The following IMMP2L variants were observed in gnomAD, a reference collection of about 807,000 sequenced individuals.
IMMP2L encodes inner mitochondrial membrane peptidase subunit 2.
A neutral mutation model predicts 19.3 loss-of-function variants in IMMP2L; 18 were observed. The observed-to-expected ratio is 0.93, with a 90% CI of 0.64 to 1.38. The LOEUF is 1.38. IMMP2L is among the 40% of genes most tolerant of loss of function. IMMP2L has a pLI of 0.00. For missense variants in IMMP2L, 233 were observed against 218.2 expected, an observed-to-expected ratio of 1.07 and a Z score of -0.43; for synonymous variants, 76 against 73.0, an observed-to-expected ratio of 1.04 and a Z score of -0.21.
intron 3 of IMMP2L, among the ~76,000 whole-genome samples, chr7:111,019,924 A>C (rs1355138506): frequency 6.6e-6 from 1 of 152,144 alleles, no homozygotes. Context: ...TGTCAAGCCA[A>C]AATGCCATCT....
At chr7:110,854,893 A>G (rs555564076) in intron 5 of IMMP2L, among the ~76,000 whole-genome samples, 1 of 152,104 alleles carries the variant, frequency 6.6e-6, no homozygotes, top group East Asian at 1.9e-4. Flanking sequence ...TACAGCAAGT[A>G]TAAAGAAAAT....
At chr7:110,899,348 C>A (rs1490644083) in intron 4 of IMMP2L, among the ~76,000 whole-genome samples, 1 of 152,104 alleles carries the variant, frequency 6.6e-6, no homozygotes, top group Non-Finnish European at 1.5e-5. Flanking sequence ...TTGCTATTAT[C>A]ATGTATTTTT....
intron 5 of IMMP2L, among the ~76,000 whole-genome samples, chr7:110,867,566 A>T (rs1290622820): frequency 6.6e-6 from 1 of 152,086 alleles, no homozygotes; most frequent in Non-Finnish European, 1.5e-5. Flanking sequence ...AAAGATGATA[A>T]ATAACATGAC....
Position 111,476,511 on chromosome 7 carries a change from C to T in IMMP2L, c.239+10727G>A, listed in dbSNP as rs1372743166. ...ATAACATTTGTTTATTATCTAACAGCTCTCAAAGACAGAAGCCTAGTAGGT... is the reference window on the plus strand; with the variant it reads ...ATAACATTTGTTTATTATCTAACAGTTCTCAAAGACAGAAGCCTAGTAGGT... On this transcript the variant is annotated intron_variant, in intron 3 of 5. Coordinates refer to ENST00000405709, the MANE Select transcript of IMMP2L (RefSeq NM_032549.4). Among the ~76,000 whole-genome samples, 6 of 152,098 alleles carry T rather than the reference C, an allele frequency of 3.9e-5. No homozygotes were observed. In the East Asian group the frequency reaches 1.2e-3, roughly 29 times the overall value.
At chr7:111,435,868 T>C (rs574499340) in intron 3 of IMMP2L, among the ~76,000 whole-genome samples, 11 of 151,886 alleles carry the variant, frequency 7.2e-5, no homozygotes, top group East Asian at 1.9e-4. Flanking sequence ...GGCATCCCTA[T>C]ACTCCTGCAG....
chr7:111,476,093 C>T (rs6955923), intron 3 of IMMP2L, among the ~76,000 whole-genome samples: 56,400 of 151,882 alleles, frequency 0.37, 12,204 homozygotes, highest in Non-Finnish European at 0.49. Flanking sequence ...TGAAAGAGAC[C>T]TTAAAGATCA....
At chr7:110,820,418 T>C (rs1802919200) in intron 5 of IMMP2L, among the ~76,000 whole-genome samples, 1 of 151,998 alleles carries the variant, frequency 6.6e-6, no homozygotes, top group Non-Finnish European at 1.5e-5. Context: ...ACAAAGAAAA[T>C]TATAAAATAA....
At chr7:111,338,332 C>G (rs1826661975) in intron 3 of IMMP2L, among the ~76,000 whole-genome samples, 2 of 151,928 alleles carry the variant, frequency 1.3e-5, no homozygotes, top group Non-Finnish European at 2.9e-5. Flanking sequence ...GTTCCTCCCC[C>G]CCTTTTTTTG....
intron 3 of IMMP2L, among the ~76,000 whole-genome samples, chr7:111,128,702 G>A (rs1335086351): frequency 6.6e-6 from 1 of 152,160 alleles, no homozygotes; most frequent in East Asian, 1.9e-4. Context: ...GTGAATGCCT[G>A]TAGTCCCAGC....
At chr7:110,736,743 G>A (rs554283520) in intron 5 of IMMP2L, among the ~76,000 whole-genome samples, 8 of 152,174 alleles carry the variant, frequency 5.3e-5, no homozygotes, top group East Asian at 1.9e-4. Context: ...CTGTCCTACC[G>A]TTGCATTTTG....
intron 3 of IMMP2L, among the ~76,000 whole-genome samples, chr7:111,024,096 T>C (rs1826570591): frequency 6.6e-6 from 1 of 152,208 alleles, no homozygotes; most frequent in Admixed American, 6.5e-5. Flanking sequence ...GAATTTATCA[T>C]ATGAAGAAAC....
At chr7:110,865,850 T>A (rs1175734727) in intron 5 of IMMP2L, among the ~76,000 whole-genome samples, 1 of 149,988 alleles carries the variant, frequency 6.7e-6, no homozygotes, top group Non-Finnish European at 1.5e-5. Flanking sequence ...CCAAACTAAT[T>A]TTTTTTTTTT....
chr7:111,049,077 C>G (rs1792731184), intron 3 of IMMP2L, among the ~76,000 whole-genome samples: 1 of 148,320 alleles, frequency 6.7e-6, no homozygotes, highest in Non-Finnish European at 1.5e-5. Flanking sequence ...GCTAAAGAAA[C>G]TGCTCTGTTT....
At chr7:110,714,643 C>A (rs1041004457) in intron 5 of IMMP2L, among the ~76,000 whole-genome samples, 5 of 152,160 alleles carry the variant, frequency 3.3e-5, no homozygotes, top group Non-Finnish European at 7.3e-5. Context: ...GTCACCCAGG[C>A]TGGAGTGCAG....
chr7:111,382,643 A>G (rs1584887012), intron 3 of IMMP2L, among the ~76,000 whole-genome samples: 1 of 152,152 alleles, frequency 6.6e-6, no homozygotes, highest in East Asian at 1.9e-4. Flanking sequence ...CAATCAGTAC[A>G]GAAAAGCTGA....
chr7:111,013,853 C>A (rs1825225530), intron 3 of IMMP2L, among the ~76,000 whole-genome samples: 1 of 151,356 alleles, frequency 6.6e-6, no homozygotes, highest in Non-Finnish European at 1.5e-5. Context: ...AAAAACAAGT[C>A]TGGTTTACCA....
At chr7:111,474,271 A>G (rs189314067) in intron 3 of IMMP2L, among the ~76,000 whole-genome samples, 14 of 152,262 alleles carry the variant, frequency 9.2e-5, no homozygotes, top group African/African-American at 3.4e-4. Flanking sequence ...AAACCTCAGC[A>G]TCACACAATA....
At chr7:111,428,681 A>G (rs1269670133) in intron 3 of IMMP2L, among the ~76,000 whole-genome samples, 5 of 151,852 alleles carry the variant, frequency 3.3e-5, no homozygotes, top group Admixed American at 2.0e-4. Flanking sequence ...AAAAGGTCAC[A>G]AAAAGACTTT....
intron 3 of IMMP2L, among the ~76,000 whole-genome samples, chr7:111,119,555 G>T (rs1800330018): frequency 6.6e-6 from 1 of 152,022 alleles, no homozygotes; most frequent in Admixed American, 6.6e-5. Context: ...TTTAATCTCT[G>T]GATTTTAGTA....
Sources: gnomAD v4.1 joint callset for allele counts (sites outside exome capture counted in the v4.1 genomes callset) on GRCh38, gnomAD v4.1.1 for gene constraint, MANE v1.5 for transcripts, NCBI Gene and HGNC (gene_info 2026-07-23, HGNC 2026-07-21) for gene names.